HSD17B12: variants seen among roughly 807,000 people sequenced by gnomAD.
HSD17B12 encodes hydroxysteroid 17-beta dehydrogenase 12.
HSD17B12 carries 32 observed loss-of-function variants against 39.3 expected under a neutral mutation model. The observed-to-expected ratio is 0.81, with a 90% CI of 0.61 to 1.09. The LOEUF (loss-of-function observed/expected upper bound fraction) is 1.09. Among genes scored for constraint, HSD17B12 ranks in the 50% least tolerant of loss-of-function variants. The pLI is 0.00. For synonymous variants in HSD17B12, 150 were observed against 146.7 expected (o/e 1.02, Z -0.16); for missense variants, 342 against 382.9 (o/e 0.89, Z 0.89).
chr11:43,616,417 ACAAAAAAC>A, the HSD17B12 span, among the ~76,000 whole-genome samples: 73 of 112,856 alleles, frequency 6.5e-4, 4 homozygotes, highest in Middle Eastern at 4.8e-3. Flanking sequence ...TAAAAAAAAA[ACAAAAAAC>A]AAAAAAAAAA....
At chr11:43,696,076 C>T (rs1428057865) in intron 1 of HSD17B12, among the ~76,000 whole-genome samples, 1 of 152,128 alleles carries the variant, frequency 6.6e-6, no homozygotes, top group African/African-American at 2.4e-5. Flanking sequence ...ATAGTTCCCA[C>T]TTATAAGTGA....
At chr11:43,690,376 ATATATATATATATATATATATATATATAT>A (rs1291699741) in intron 1 of HSD17B12, among the ~76,000 whole-genome samples, 1 of 6,786 alleles carries the variant, frequency 1.5e-4, no homozygotes, top group African/African-American at 7.8e-4. Context: ...ATATATATAT[ATATATATATATATATATATATATATATAT>A]TTTTTTTTTT....
At chr11:43,697,810 T>TA (rs1208392862) in intron 1 of HSD17B12, among the ~76,000 whole-genome samples, 1 of 152,114 alleles carries the variant, frequency 6.6e-6, no homozygotes, top group African/African-American at 2.4e-5. Context: ...AGAGAGGCAA[T>TA]AGATAAGACT....
rs140737324 is a variant in HSD17B12, at chr11:43,765,880, A to C, written c.283+11759A>C. On this transcript the variant is annotated intron_variant, in intron 3 of 10. Transcript: ENST00000278353. ...ACGGAGTCTCACTCTTTTGCCCAGG[A>C]CGGACTGCAGTGGCACTATCTCGGC... Among the ~76,000 whole-genome samples the C allele has an allele frequency of 8.6e-3, 1,311 of 151,916 alleles. 19 individuals carry two copies. The highest frequency in any genetic ancestry group is 0.078 in the East Asian group (404 of 5,164).
the HSD17B12 span, among the ~76,000 whole-genome samples, chr11:43,566,871 T>C: frequency 6.6e-6 from 1 of 152,212 alleles, no homozygotes; most frequent in African/African-American, 2.4e-5. Context: ...TGTGCCCCGA[T>C]AGGTTAGCCG....
At chr11:43,711,457 G>A (rs1421325864) in intron 1 of HSD17B12, among the ~76,000 whole-genome samples, 2 of 144,296 alleles carry the variant, frequency 1.4e-5, no homozygotes, top group African/African-American at 2.5e-5. Flanking sequence ...GTGTTTTTTT[G>A]TTTGCTTGGT....
At chr11:43,835,653 C>T (rs568335019) in intron 7 of HSD17B12, among the ~76,000 whole-genome samples, 2 of 152,110 alleles carry the variant, frequency 1.3e-5, no homozygotes, top group African/African-American at 2.4e-5. Context: ...TTACTTAGGT[C>T]GAGTGCATTC....
At chr11:43,736,645 T>G (rs1042688131) in intron 1 of HSD17B12, among the ~76,000 whole-genome samples, 5 of 152,214 alleles carry the variant, frequency 3.3e-5, no homozygotes, top group Non-Finnish European at 7.3e-5. Context: ...TGTAAAATTA[T>G]TTTTATAATA....
At chr11:43,679,043 G>A (rs985690655), upstream of HSD17B12, among the ~76,000 whole-genome samples, 2 of 152,112 alleles carry the variant, frequency 1.3e-5, no homozygotes, top group South Asian at 2.1e-4. Context: ...CCATTTTCAC[G>A]ATATTGATTC....
At chr11:43,732,222 G>C (rs554870464) in intron 1 of HSD17B12, among the ~76,000 whole-genome samples, 1 of 152,070 alleles carries the variant, frequency 6.6e-6, no homozygotes. Flanking sequence ...ATGTGTTTGC[G>C]TCCCTTTCTG....
chr11:43,751,072 G>A (rs942431295), intron 2 of HSD17B12, 115 bp downstream of exon 2: 1 of 576,376 alleles, frequency 1.7e-6, no homozygotes, highest in Non-Finnish European at 2.9e-6. Context: ...ATGTTGCATG[G>A]TACAATAGAT....
At position 43,680,915 on chromosome 11, in the gene HSD17B12, C is replaced by T; in HGVS notation, c.88C>T (p.Leu30Phe). Residue 30 changes from leucine to phenylalanine, a missense_variant, in exon 1 of 11, where the codon CTC becomes TTC. By Grantham distance (22) the Leu-to-Phe change is conservative (BLOSUM62 0). Coordinates refer to ENST00000278353, the MANE Select transcript of HSD17B12 (RefSeq NM_016142.3). ...CCTAGCCCTGCGTATTTCGTACTCG[C>T]TCTTCACGGCCCTCCGGGTCTGGGG... ...AYLALRISYS[L>F]FTALRVWGVG... is the part of the protein sequence containing the mutation. 1 of 1,613,750 alleles carries T rather than the reference C, an allele frequency of 6.2e-7. No homozygotes were observed. The highest frequency in any genetic ancestry group is 8.5e-7 in the Non-Finnish European group (1 of 1,179,804).
At chr11:43,714,458 G>T (rs1039916067) in intron 1 of HSD17B12, among the ~76,000 whole-genome samples, 1 of 152,038 alleles carries the variant, frequency 6.6e-6, no homozygotes, top group African/African-American at 2.4e-5. Context: ...ATTTCTGAGG[G>T]TTCTGTTCTG....
At chr11:43,845,226 C>A (rs7946394) in intron 9 of HSD17B12, among the ~76,000 whole-genome samples, 19 of 152,354 alleles carry the variant, frequency 1.2e-4, no homozygotes, top group African/African-American at 4.6e-4. Context: ...TCAAGTAATT[C>A]TCCCGCATTG....
the HSD17B12 span, among the ~76,000 whole-genome samples, chr11:43,593,438 A>G: frequency 6.6e-6 from 1 of 152,234 alleles, no homozygotes; most frequent in Non-Finnish European, 1.5e-5. Flanking sequence ...AAGATTGATT[A>G]TGGAACTGTG....
intron 1 of HSD17B12, among the ~76,000 whole-genome samples, chr11:43,717,275 A>G (rs1177941232): frequency 6.6e-6 from 1 of 152,200 alleles, no homozygotes; most frequent in Non-Finnish European, 1.5e-5. Flanking sequence ...AGTACCTGAC[A>G]TATATTAGAA....
chr11:43,736,326 G>A (rs1315865472), intron 1 of HSD17B12, among the ~76,000 whole-genome samples: 1 of 151,950 alleles, frequency 6.6e-6, no homozygotes, highest in Non-Finnish European at 1.5e-5. Context: ...ACCTATAGAT[G>A]CTTTGAATTT....
the HSD17B12 span, among the ~76,000 whole-genome samples, chr11:43,662,377 T>TTTTG: frequency 1.6e-5 from 2 of 128,480 alleles, no homozygotes; most frequent in Non-Finnish European, 3.2e-5. Flanking sequence ...TTTATTTTAT[T>TTTTG]TGTGTGTGTG....
At chr11:43,838,036 A>C in intron 7 of HSD17B12, 6 of 400,632 alleles carry the variant, frequency 1.5e-5, no homozygotes, top group Non-Finnish European at 2.2e-5. Context: ...CTCAGAGGGT[A>C]GAGATCAACT....
Sources: allele counts gnomAD v4.1 joint callset (sites outside exome capture counted in the v4.1 genomes callset), GRCh38; gene constraint gnomAD v4.1.1; transcripts MANE v1.5; gene names NCBI Gene and HGNC (gene_info 2026-07-23, HGNC 2026-07-21).